PDZD4: variants seen among roughly 807,000 people sequenced by gnomAD.
PDZD4 encodes PDZ domain-containing protein 4.
Under a neutral mutation model 38.5 loss-of-function variants are expected in PDZD4, and 9 were observed. That is an observed-to-expected ratio of 0.23 (90% confidence interval 0.14 to 0.41). The LOEUF is 0.41. Ranked by LOEUF, PDZD4 falls within the 10% of genes least tolerant of loss-of-function variation. The pLI, the probability that PDZD4 is intolerant of heterozygous loss-of-function variation, is 1.00. For synonymous variants in PDZD4, 349 were observed against 315.7 expected, an observed-to-expected ratio of 1.11 and a Z score of -1.12; for missense variants, 612 against 722.0, an observed-to-expected ratio of 0.85 and a Z score of 1.75.
chrX:153,808,129 C>T, intron 2 of PDZD4: 1 of 1,071,825 alleles, frequency 9.3e-7, no homozygotes. Context: ...CAGGAGGGTC[C>T]TCCCTCGGCC....
At chrX:153,817,091 G>T (rs1233695462) in intron 1 of PDZD4, among the ~76,000 whole-genome samples, 1 of 111,486 alleles carries the variant, frequency 9.0e-6, no homozygotes, top group African/African-American at 3.3e-5. Context: ...TCAGTGAAAG[G>T]AAGCACGAGT....
Position 153,804,230 on chromosome X carries a change from C to T in PDZD4, c.1451G>A (p.Arg484His). Residue 484 changes from arginine to histidine, a missense_variant, in exon 8 of 8, where the codon CGC becomes CAC. Transcript: ENST00000393758. ...TSAYNTGESC[R>H]STPLLVEPLP... The stretch of plus-strand genomic sequence containing the variant: ...GGGCTCCACAAGCAGCGGGGTGCTG[C>T]GGCAGCTCTCCCCAGTGTTGTAGGC... 8.3e-7 allele frequency: 1 copy of T among 1,206,240 alleles called. No individual in the cohort carries two copies. The highest frequency in any genetic ancestry group is 1.8e-5 in the South Asian group (1 of 56,700).
At chrX:153,808,298 C>A in intron 2 of PDZD4, 44 bp downstream of exon 2, 1 of 1,166,903 alleles carries the variant, frequency 8.6e-7, no homozygotes, top group Non-Finnish European at 1.1e-6. Flanking sequence ...GGTGGCCTGT[C>A]CTCTCTGGAG....
Position 153,806,792 on chromosome X carries a change from C to T in PDZD4, c.454G>A (p.Val152Ile), listed in dbSNP as rs2148459873. Residue 152 changes from valine to isoleucine, a missense_variant, in exon 4 of 8, where the codon GTT (valine) becomes ATT (isoleucine). Physicochemically the swap from Val to Ile is conservative, Grantham distance 29. This residue lies in a region of PDZD4 where 225 missense variants were observed against 311.0 expected (regional missense o/e 0.72). Transcript: ENST00000393758. The part of the protein sequence containing the change: ...SSHRDKLGLM[V>I]CYRTDDEEDL... ...TCCTCGTCGTCCGTGCGGTAGCAAA[C>T]CATCAGGCCCAGCTTGTCCCGGTGG... The T allele has an allele frequency of 8.3e-7, 1 of 1,209,609 alleles. No individual in the cohort carries two copies. Among genetic ancestry groups the T allele is most frequent in the Non-Finnish European group, 1.1e-6 (1 of 895,053 alleles).
intron 1 of PDZD4, among the ~76,000 whole-genome samples, chrX:153,813,968 A>G (rs781958427): frequency 2.7e-5 from 3 of 112,110 alleles, no homozygotes; most frequent in Admixed American, 9.4e-5. Context: ...AAAATTTTAT[A>G]TATTTCTGTA....
intron 1 of PDZD4, among the ~76,000 whole-genome samples, chrX:153,814,081 C>T (rs2064334946): frequency 1.8e-5 from 2 of 111,144 alleles, no homozygotes; most frequent in Admixed American, 9.5e-5. Flanking sequence ...AGGCTAGTCT[C>T]GAACTCCTGG....
intron 1 of PDZD4, among the ~76,000 whole-genome samples, chrX:153,816,449 T>G (rs2064363347): frequency 9.4e-6 from 1 of 105,902 alleles, no homozygotes. Context: ...GACATGTGAC[T>G]CCCGGGCAGG....
chrX:153,830,082 A>G, intron 1 of PDZD4, 157 bp downstream of exon 1: 1 of 536,294 alleles, frequency 1.9e-6, no homozygotes, highest in African/African-American at 2.5e-5. Context: ...ACGGAGCGCC[A>G]ACACCCAACA....
At chrX:153,808,282 G>A (rs1300730756) in intron 2 of PDZD4, 60 bp downstream of exon 2, 17 of 1,137,556 alleles carry the variant, frequency 1.5e-5, no homozygotes, top group African/African-American at 3.6e-5. Flanking sequence ...GCGGATGGCC[G>A]CTCCAGGTGG....
intron 2 of PDZD4, chrX:153,807,929 C>T: frequency 2.0e-6 from 2 of 984,848 alleles, no homozygotes; most frequent in Non-Finnish European, 2.6e-6. Context: ...GGATGAAAGG[C>T]CCTTCTTCCG....
Position 153,805,168 on chromosome X carries a change from G to C in PDZD4, c.709C>G (p.Leu237Val). The C allele has an allele frequency of 8.3e-7, 1 of 1,211,678 alleles. No homozygotes were observed. The highest frequency in any genetic ancestry group is 1.1e-6 in the Non-Finnish European group (1 of 895,444). Residue 237 changes from leucine (L) to valine (V), a missense_variant, in exon 7 of 8, where the codon CTG (leucine) becomes GTG (valine). Physicochemically the swap from Leu to Val is conservative, Grantham distance 32. Transcript: ENST00000393758. ...RWKDSDRDDF[L>V]DDFGSENEGE... ...TCATTCTCAGAGCCAAAGTCATCCA[G>C]GAAGTCATCCCGGTCGCTGTCCTTC...
chrX:153,804,309 C>A lies in PDZD4; in HGVS notation c.1372G>T (p.Glu458Ter). Residue 458 changes from glutamate to a stop codon, truncating the protein, a stop_gained, in exon 8 of 8, where the codon GAG becomes TAG. Coordinates refer to ENST00000393758, the MANE Select transcript of PDZD4 (RefSeq NM_001303512.2). LOFTEE classifies it high-confidence loss of function. ...GGCAGCTCGGAGATGTCGGACAGCT[C>A]GTGCTTCTTGGGCTCGCTGGCCGCC... ...DLAASEPKKHELSDISELPEK... is the reference protein window; with the variant it reads ...DLAASEPKKH 8.3e-7 allele frequency: 1 copy of A among 1,207,840 alleles called. No individual in the cohort carries two copies.
rs934612516 is a variant in PDZD4 at position 153,816,626 on chromosome X, A to G, written c.61-8031T>C. ...ACCCCCCATCCCGTTCCGCTCCCCA[A>G]GGGGCTTGGTTGGAAGGTGGGAGGG... On this transcript the variant is annotated intron_variant, in intron 1 of 7. Coordinates refer to ENST00000393758, the MANE Select transcript of PDZD4 (RefSeq NM_001303512.2). Among the ~76,000 whole-genome samples, 3 of 111,711 alleles carry G rather than the reference A, an allele frequency of 2.7e-5. No homozygotes were observed. In the Admixed American group the frequency reaches 2.8e-4, roughly 10 times the overall value.
At chrX:153,827,246 C>T (rs1188608343) in intron 1 of PDZD4, among the ~76,000 whole-genome samples, 3 of 112,030 alleles carry the variant, frequency 2.7e-5, no homozygotes, top group African/African-American at 9.7e-5. Context: ...CCCAGCAGGA[C>T]GGCCATAACA....
chrX:153,807,517 G>T, intron 2 of PDZD4, 148 bp from the exon 3 acceptor site: 1 of 591,854 alleles, frequency 1.7e-6, no homozygotes, highest in Non-Finnish European at 2.7e-6. Flanking sequence ...GCCTCCTGCA[G>T]AGCCCCTTCC....
chrX:153,815,721 G>A (rs977548236), intron 1 of PDZD4, among the ~76,000 whole-genome samples: 1 of 108,311 alleles, frequency 9.2e-6, no homozygotes, highest in African/African-American at 3.4e-5. Context: ...TCCAGAGGAG[G>A]TGGCCCCAGG....
At chrX:153,829,905 C>T in intron 1 of PDZD4, 1 of 819,533 alleles carries the variant, frequency 1.2e-6, no homozygotes, top group Non-Finnish European at 1.5e-6. Context: ...ACGGCGGGAG[C>T]CTGGCTCCCT....
chrX:153,830,249 A>T lies in PDZD4; in HGVS notation c.50T>A (p.Val17Glu), dbSNP rs1184797221. The T allele has an allele frequency of 2.5e-6, 3 of 1,198,622 alleles. No homozygotes were observed. The highest frequency in any genetic ancestry group is 3.4e-6 in the Non-Finnish European group (3 of 889,527). Residue 17 changes from valine (V) to glutamate (E), a missense_variant, in exon 1 of 8, where the codon GTG becomes GAG. Around this residue, in one of 3 missense-constraint regions of PDZD4, gnomAD observed 225 missense variants for 311.0 expected, o/e 0.72. Coordinates refer to ENST00000393758, the MANE Select transcript of PDZD4 (RefSeq NM_001303512.2). The stretch of plus-strand genomic sequence containing the variant: ...CGCCGGCGGCCCTACCTGCAGCATC[A>T]CTTTGTACTGCTCCTCCGGTTTCTG... ...VVQKPEEQYK[V>E]MLQVNGKELS...
chrX:153,830,425 A>C lies in PDZD4; in HGVS notation c.-127T>G, dbSNP rs2064531298. The C allele has an allele frequency of 5.5e-5, 23 of 418,841 alleles. No individual in the cohort carries two copies. The highest frequency in any genetic ancestry group is 7.0e-5 in the Non-Finnish European group (18 of 255,908). 34.5% of individuals were successfully genotyped at this position (418,841 alleles called of 1,213,427 possible). On this transcript the variant is annotated 5_prime_UTR_variant, in exon 1 of 8. An upstream open reading frame in the 5' UTR loses its in-frame stop. Coordinates refer to ENST00000393758, the MANE Select transcript of PDZD4 (RefSeq NM_001303512.2). ...CCCTGGCGCGGGGGGCGGGCCGCCTAGCGGGGGAGGGGGGCACGCCCCCGA... is the reference window on the plus strand; with the variant it reads ...CCCTGGCGCGGGGGGCGGGCCGCCTCGCGGGGGAGGGGGGCACGCCCCCGA...
Sources: gnomAD v4.1 joint callset for allele counts (sites outside exome capture counted in the v4.1 genomes callset) on GRCh38, gnomAD v4.1.1 for gene constraint, gnomAD v4.1.1 regional missense constraint, MANE v1.5 for transcripts, NCBI Gene and HGNC (gene_info 2026-07-23, HGNC 2026-07-21) for gene names.